ADCY8: variants seen among roughly 807,000 people sequenced by gnomAD.
The protein encoded by ADCY8 is adenylate cyclase type 8.
A neutral mutation model predicts 119.7 loss-of-function variants in ADCY8; 51 were observed. The ratio of observed to expected loss-of-function variants is 0.43; its 90% CI spans 0.34 to 0.54. The LOEUF (loss-of-function observed/expected upper bound fraction) is 0.54, where lower values mean the gene tolerates loss of function less well. Among genes scored for constraint, ADCY8 ranks in the 20% least tolerant of loss-of-function variants. ADCY8 has a pLI of 0.03. For synonymous variants in ADCY8, 665 were observed against 651.0 expected, an observed-to-expected ratio of 1.02 and a Z score of -0.33; for missense variants, 1,383 against 1,598.8, an observed-to-expected ratio of 0.87 and a Z score of 2.30.
At chr8:131,018,298 T>C (rs1157017358) in intron 1 of ADCY8, among the ~76,000 whole-genome samples, 1 of 152,206 alleles carries the variant, frequency 6.6e-6, no homozygotes, top group Non-Finnish European at 1.5e-5. Context: ...TTCAACTTTA[T>C]TTTTTTCAGT....
intron 2 of ADCY8, among the ~76,000 whole-genome samples, chr8:130,989,750 T>C (rs1319748397): frequency 6.6e-6 from 1 of 152,194 alleles, no homozygotes; most frequent in Non-Finnish European, 1.5e-5. Flanking sequence ...TGGAGAAATA[T>C]ATTATTTGAG....
chr8:130,833,438 T>A (rs995388528), intron 12 of ADCY8, among the ~76,000 whole-genome samples: 3 of 152,158 alleles, frequency 2.0e-5, no homozygotes, highest in Non-Finnish European at 4.4e-5. Context: ...AATGCTGCAA[T>A]GAACATGAGA....
intron 9 of ADCY8, among the ~76,000 whole-genome samples, chr8:130,867,376 T>C (rs1818164420): frequency 6.6e-6 from 1 of 152,170 alleles, no homozygotes; most frequent in South Asian, 2.1e-4. Flanking sequence ...GGCACCTACC[T>C]CATAAGGTTG....
intron 7 of ADCY8, among the ~76,000 whole-genome samples, chr8:130,899,313 G>A (rs1259546992): frequency 1.3e-5 from 2 of 152,082 alleles, no homozygotes; most frequent in African/African-American, 4.8e-5. Flanking sequence ...CCTTTGAAAT[G>A]TAAGCTCCTG....
chr8:130,905,270 G>T (rs1002181282), intron 6 of ADCY8, among the ~76,000 whole-genome samples: 1 of 152,106 alleles, frequency 6.6e-6, no homozygotes, highest in African/African-American at 2.4e-5. Context: ...CTATTGTCAG[G>T]CCTTCTGAAT....
chr8:130,895,927 T>C (rs549252559), intron 7 of ADCY8, among the ~76,000 whole-genome samples: 1 of 152,266 alleles, frequency 6.6e-6, no homozygotes, highest in Admixed American at 6.5e-5. Flanking sequence ...AGATTCAATA[T>C]TTCAGGTGTT....
At chr8:130,826,374 A>C (rs1836630) in intron 12 of ADCY8, among the ~76,000 whole-genome samples, 33,706 of 152,104 alleles carry the variant, frequency 0.22, 3,800 homozygotes, top group Admixed American at 0.26. Flanking sequence ...ACAAATGAAC[A>C]TTTCCGATGT....
intron 4 of ADCY8, among the ~76,000 whole-genome samples, chr8:130,941,623 A>T (rs1336619978): frequency 6.6e-6 from 1 of 152,074 alleles, no homozygotes; most frequent in African/African-American, 2.4e-5. Context: ...CAACCCTCCT[A>T]TTAGGAGGAT....
intron 2 of ADCY8, among the ~76,000 whole-genome samples, chr8:130,987,480 ATT>A (rs34193529): frequency 6.6e-6 from 1 of 151,406 alleles, no homozygotes; most frequent in African/African-American, 2.4e-5. Context: ...TTAAATAATT[ATT>A]TTTTTTTGTA....
At chr8:130,983,592 A>G (rs1822303965) in intron 2 of ADCY8, among the ~76,000 whole-genome samples, 1 of 152,276 alleles carries the variant, frequency 6.6e-6, no homozygotes, top group South Asian at 2.1e-4. Flanking sequence ...AGCAAGTGAC[A>G]TGATTGGAAT....
At chr8:130,838,393 C>T (rs1350143174) in intron 11 of ADCY8, among the ~76,000 whole-genome samples, 4 of 152,144 alleles carry the variant, frequency 2.6e-5, no homozygotes, top group South Asian at 4.1e-4. Flanking sequence ...CCTTTAAGAT[C>T]TTGGGGAAGA....
At chr8:130,855,731 C>A (rs937538381) in intron 9 of ADCY8, among the ~76,000 whole-genome samples, 2 of 152,136 alleles carry the variant, frequency 1.3e-5, no homozygotes, top group African/African-American at 4.8e-5. Flanking sequence ...TCATCCCCCA[C>A]ATCCAGCCAG....
intron 15 of ADCY8, among the ~76,000 whole-genome samples, chr8:130,798,866 G>C (rs1480824274): frequency 6.6e-6 from 1 of 151,922 alleles, no homozygotes; most frequent in Non-Finnish European, 1.5e-5. Flanking sequence ...ATTGAGAAAT[G>C]AATGGAAACA....
At chr8:130,906,253 C>T (rs1004915540) in intron 6 of ADCY8, among the ~76,000 whole-genome samples, 13 of 152,198 alleles carry the variant, frequency 8.5e-5, no homozygotes, top group Non-Finnish European at 1.3e-4. Flanking sequence ...AGTCCCCATC[C>T]GCTTTCTCAG....
At chr8:130,837,687 G>C (rs894007797) in intron 11 of ADCY8, among the ~76,000 whole-genome samples, 1 of 152,066 alleles carries the variant, frequency 6.6e-6, no homozygotes, top group African/African-American at 2.4e-5. Context: ...CTGGATGGTG[G>C]GTTCAGACTC....
chr8:130,847,607 A>G, intron 10 of ADCY8, 94 bp from the exon 11 acceptor site: 1 of 1,064,584 alleles, frequency 9.4e-7, no homozygotes, highest in Non-Finnish European at 1.4e-6. Context: ...GTGTGCTATC[A>G]GTGGCTGGGC....
Position 130,959,361 on chromosome 8 carries a change from C to G in ADCY8, c.1111-7363G>C, listed in dbSNP as rs141070681. Among the ~76,000 whole-genome samples the G allele has an allele frequency of 7.9e-5, 12 of 152,234 alleles. No homozygotes were observed. In the East Asian group the frequency reaches 2.3e-3, roughly 29 times the overall value. ...TGGGTGAGTATAGATACCCAATTTA[C>G]ACATTCTTCATTTAATCTTCCTCAT... On this transcript the variant is annotated intron_variant, in intron 2 of 17. Coordinates refer to ENST00000286355, the MANE Select transcript of ADCY8 (RefSeq NM_001115.3).
chr8:131,036,584 G>T (rs1208089450), intron 1 of ADCY8, among the ~76,000 whole-genome samples: 1 of 152,178 alleles, frequency 6.6e-6, no homozygotes, highest in Non-Finnish European at 1.5e-5. Context: ...TTGTGAGGGT[G>T]TGGGGAGAAA....
At chr8:130,861,248 A>G (rs1315812771) in intron 9 of ADCY8, among the ~76,000 whole-genome samples, 1 of 152,190 alleles carries the variant, frequency 6.6e-6, no homozygotes, top group Non-Finnish European at 1.5e-5. Context: ...AGCTTGCTGA[A>G]GTTTTGATTG....
Sources: allele counts gnomAD v4.1 joint callset (sites outside exome capture counted in the v4.1 genomes callset), GRCh38; gene constraint gnomAD v4.1.1; transcripts MANE v1.5; gene names NCBI Gene and HGNC (gene_info 2026-07-23, HGNC 2026-07-21).